CDH18: variants seen among roughly 807,000 people sequenced by gnomAD.
The protein encoded by CDH18 is cadherin 18, also known as cadherin-18.
CDH18 carries 31 observed loss-of-function variants against 67.9 expected under a neutral mutation model. That is an observed-to-expected ratio of 0.46 (90% confidence interval 0.34 to 0.62). The LOEUF (loss-of-function observed/expected upper bound fraction) is 0.62, where lower values mean the gene tolerates loss of function less well. CDH18 is among the 20% of genes least tolerant of loss of function. The probability of loss-of-function intolerance (pLI) is 0.01; values close to 1 mark genes in which losing one functional copy is unlikely to be tolerated. For missense variants in CDH18, 890 were observed against 975.5 expected, an observed-to-expected ratio of 0.91 and a Z score of 1.17; for synonymous variants, 362 against 347.2, an observed-to-expected ratio of 1.04 and a Z score of -0.48.
At chr5:20,262,224 G>A (rs369891551) in intron 1 of CDH18, among the ~76,000 whole-genome samples, 14 of 152,256 alleles carry the variant, frequency 9.2e-5, no homozygotes, top group East Asian at 3.9e-4. Context: ...AATTGGGAGA[G>A]AATTTTAATG....
At chr5:19,925,237 C>A (rs745331598) in intron 2 of CDH18, among the ~76,000 whole-genome samples, 39 of 152,116 alleles carry the variant, frequency 2.6e-4, no homozygotes, top group Non-Finnish European at 4.9e-4. Context: ...CAGCAGCAGA[C>A]CTCAAGCTAC....
intron 1 of CDH18, among the ~76,000 whole-genome samples, chr5:20,397,955 G>T (rs1020551710): frequency 1.3e-5 from 2 of 152,112 alleles, no homozygotes; most frequent in African/African-American, 4.8e-5. Flanking sequence ...TAAAGCTCAT[G>T]AATTAAAATT....
chr5:20,382,862 C>T (rs1744024690), intron 1 of CDH18, among the ~76,000 whole-genome samples: 1 of 152,082 alleles, frequency 6.6e-6, no homozygotes, highest in Admixed American at 6.5e-5. Context: ...CAGCTATCAA[C>T]ACCTTAGTAA....
At chr5:20,376,045 C>T (rs1411053094) in intron 1 of CDH18, among the ~76,000 whole-genome samples, 1 of 143,108 alleles carries the variant, frequency 7.0e-6, no homozygotes, top group Non-Finnish European at 1.5e-5. Context: ...CACTGACTTA[C>T]AATAAAATCT....
At chr5:20,097,763 T>C (rs1746115752) in intron 2 of CDH18, among the ~76,000 whole-genome samples, 1 of 152,176 alleles carries the variant, frequency 6.6e-6, no homozygotes, top group South Asian at 2.1e-4. Context: ...GTCACTATTC[T>C]TTTGCAAATT....
chr5:20,357,722 A>C (rs566136090), intron 1 of CDH18, among the ~76,000 whole-genome samples: 14 of 152,316 alleles, frequency 9.2e-5, no homozygotes, highest in African/African-American at 3.1e-4. Flanking sequence ...ACTATAAATT[A>C]GTCCAGCCAC....
chr5:19,604,445 A>G lies in CDH18; in HGVS notation c.811+7989T>C, dbSNP rs948289789. 5.3e-4 allele frequency among the ~76,000 whole-genome samples: 80 copies of G among 151,938 alleles called. 5 individuals carry two copies. Among genetic ancestry groups the G allele is most frequent in the Non-Finnish European group, 1.5e-5 (1 of 67,930 alleles). On this transcript the variant is annotated intron_variant, in intron 6 of 12. Coordinates refer to ENST00000382275, the MANE Select transcript of CDH18 (RefSeq NM_004934.5). Reference sequence around the variant, plus strand: ...ACAGAGTTTGCCTGTCTTTCCTGATAAAATTAACCAGACAGTTTTTATAAT... The same window carrying G: ...ACAGAGTTTGCCTGTCTTTCCTGATGAAATTAACCAGACAGTTTTTATAAT...
At chr5:20,330,523 G>T (rs1401152555) in intron 1 of CDH18, among the ~76,000 whole-genome samples, 1 of 152,126 alleles carries the variant, frequency 6.6e-6, no homozygotes, top group African/African-American at 2.4e-5. Flanking sequence ...GGAGTTAGGC[G>T]AGTGGGCTCA....
Position 20,032,319 on chromosome 5 carries a change from G to A in CDH18, c.-517-40305C>T, listed in dbSNP as rs540865969. 2.6e-3 allele frequency among the ~76,000 whole-genome samples: 393 copies of A among 151,532 alleles called. 2 individuals are homozygous for A. The highest frequency in any genetic ancestry group is 8.9e-3 in the African/African-American group (367 of 41,380). On this transcript the variant is annotated intron_variant, in intron 2 of 14. Coordinates refer to the CDH18 transcript ENST00000507958. ...CTGTCCCTGACTTTAGTTTCTGTTC[G>A]AGATCTGACAAGAGCAAGATATTTT...
chr5:19,972,968 A>G (rs1798168508), intron 2 of CDH18, among the ~76,000 whole-genome samples: 1 of 151,988 alleles, frequency 6.6e-6, no homozygotes, highest in Admixed American at 6.6e-5. Context: ...TATTATCTGA[A>G]GTAATAGTCA....
intron 2 of CDH18, among the ~76,000 whole-genome samples, chr5:20,162,976 T>C (rs1296386259): frequency 1.3e-5 from 2 of 151,948 alleles, no homozygotes; most frequent in African/African-American, 4.8e-5. Context: ...GGAGAATCGC[T>C]TGAACCCGGG....
At chr5:19,840,796 G>T (rs2150033321) in intron 2 of CDH18, among the ~76,000 whole-genome samples, 1 of 152,286 alleles carries the variant, frequency 6.6e-6, no homozygotes, top group Middle Eastern at 3.4e-3. Context: ...TATTATATAT[G>T]TGTGCTTGAA....
intron 2 of CDH18, among the ~76,000 whole-genome samples, chr5:19,886,589 T>G (rs943014136): frequency 6.6e-6 from 1 of 152,172 alleles, no homozygotes; most frequent in Non-Finnish European, 1.5e-5. Flanking sequence ...TTTGAGTATG[T>G]GTGTTACTCC....
At chr5:19,622,592 G>A (rs1750888745) in intron 5 of CDH18, among the ~76,000 whole-genome samples, 1 of 152,152 alleles carries the variant, frequency 6.6e-6, no homozygotes. Flanking sequence ...CTGTTCTTGA[G>A]GGGTTTAGAA....
intron 2 of CDH18, among the ~76,000 whole-genome samples, chr5:20,110,004 GAAGA>G (rs1186609196): frequency 1.3e-5 from 2 of 152,186 alleles, no homozygotes; most frequent in African/African-American, 4.8e-5. Context: ...CAATGAGATA[GAAGA>G]AAGAGAGGCA....
intron 1 of CDH18, among the ~76,000 whole-genome samples, chr5:20,412,768 A>C (rs1471604117): frequency 6.6e-6 from 1 of 152,224 alleles, no homozygotes; most frequent in Non-Finnish European, 1.5e-5. Context: ...AATTCAAATT[A>C]AAGCCACAAT....
At chr5:20,449,097 A>G (rs1306298739) in intron 1 of CDH18, among the ~76,000 whole-genome samples, 2 of 152,140 alleles carry the variant, frequency 1.3e-5, no homozygotes, top group Non-Finnish European at 2.9e-5. Context: ...ATATATTAAA[A>G]TCTTGATACA....
chr5:19,622,735 C>G (rs528615190), intron 5 of CDH18, among the ~76,000 whole-genome samples: 24 of 152,154 alleles, frequency 1.6e-4, no homozygotes, highest in Non-Finnish European at 2.9e-4. Context: ...AGTCTCCTAG[C>G]TGTTCCTACT....
rs546210094 is a variant in CDH18 at position 19,532,005 on chromosome 5, G to A, written c.1391-11227C>T. 4.6e-5 allele frequency among the ~76,000 whole-genome samples: 7 copies of A among 152,244 alleles called. No individual in the cohort carries two copies. The South Asian group carries it at 1.0e-3, about 23-fold the overall frequency. On this transcript the variant is annotated intron_variant, in intron 9 of 12. Coordinates refer to ENST00000382275, the MANE Select transcript of CDH18 (RefSeq NM_004934.5). ...TTAACTTTTGTGGACGAAGGTTGTG[G>A]AAAGTGACTAGATGCCTCTGCAAAA...
Sources: gnomAD v4.1 joint callset for allele counts (sites outside exome capture counted in the v4.1 genomes callset) on GRCh38, gnomAD v4.1.1 for gene constraint, MANE v1.5 for transcripts, NCBI Gene and HGNC (gene_info 2026-07-23, HGNC 2026-07-21) for gene names.